Variants in CDK15 observed in about 807,000 individuals in gnomAD.
The protein encoded by CDK15 is cyclin-dependent kinase 15.
In CDK15, 62 loss-of-function variants were observed where a neutral mutation model predicts 60.3. The observed-to-expected ratio is 1.03, with a 90% CI of 0.84 to 1.27. The LOEUF is 1.27. CDK15 is among the 50% of genes most tolerant of loss of function. The probability of loss-of-function intolerance (pLI) is 0.00; values close to 1 mark genes in which losing one functional copy is unlikely to be tolerated. For missense variants in CDK15, 541 were observed against 527.8 expected (o/e 1.03, Z -0.25); for synonymous variants, 194 against 195.7 (o/e 0.99, Z 0.07).
At position 201,861,897 on chromosome 2, in the gene CDK15, G is replaced by A. The variant is rs1698417907; in HGVS notation, c.1009+6960G>A. ...CAGTGTGGAAGTTCAGCTGCTCAGT[G>A]ACTTGCCATGGTTCAGACCCAGTGA... On this transcript the variant is annotated intron_variant, in intron 10 of 13. Transcript: ENST00000652192. Among the ~76,000 whole-genome samples the A allele has an allele frequency of 2.6e-5, 4 of 152,146 alleles. No homozygotes were observed. In the South Asian group the frequency reaches 8.3e-4, roughly 32 times the overall value.
At chr2:201,831,713 C>T (rs1696759037) in intron 6 of CDK15, among the ~76,000 whole-genome samples, 1 of 152,164 alleles carries the variant, frequency 6.6e-6, no homozygotes, top group Non-Finnish European at 1.5e-5. Context: ...AAATAGTCTA[C>T]ACTTGGGACA....
chr2:201,846,668 A>G (rs1227248551), intron 8 of CDK15, among the ~76,000 whole-genome samples: 1 of 152,080 alleles, frequency 6.6e-6, no homozygotes, highest in African/African-American at 2.4e-5. Context: ...GTAAGCTAAC[A>G]CTACATAACT....
At chr2:201,875,314 C>T (rs539662804) in intron 11 of CDK15, among the ~76,000 whole-genome samples, 9 of 152,136 alleles carry the variant, frequency 5.9e-5, no homozygotes, top group South Asian at 2.1e-4. Flanking sequence ...GGGATGAGCA[C>T]GCTCTTAGGC....
At chr2:201,814,587 A>C (rs1695912816) in intron 4 of CDK15, among the ~76,000 whole-genome samples, 1 of 152,160 alleles carries the variant, frequency 6.6e-6, no homozygotes, top group Non-Finnish European at 1.5e-5. Flanking sequence ...GACCAGGGAG[A>C]CAGGAGGTTA....
chr2:201,836,094 A>T (rs868687016), intron 8 of CDK15, among the ~76,000 whole-genome samples: 1,267 of 121,024 alleles, frequency 0.01, 32 homozygotes, highest in African/African-American at 0.039. Flanking sequence ...TTATATATTT[A>T]TATATATTTA....
At chr2:201,837,614 G>T (rs74859110) in intron 8 of CDK15, among the ~76,000 whole-genome samples, 4,551 of 152,200 alleles carry the variant, frequency 0.03, 228 homozygotes, top group African/African-American at 0.1. Context: ...TGTCAGACAT[G>T]CATCATCCTA....
intron 10 of CDK15, among the ~76,000 whole-genome samples, chr2:201,865,754 G>A (rs925995848): frequency 3.9e-5 from 6 of 152,022 alleles, no homozygotes; most frequent in African/African-American, 9.7e-5. Flanking sequence ...GCCAGGTGTG[G>A]TGGTGTGTGC....
At position 201,862,900 on chromosome 2, in the gene CDK15, T is replaced by G. The variant is rs895271667; in HGVS notation, c.1009+7963T>G. 2.6e-5 allele frequency among the ~76,000 whole-genome samples: 4 copies of G among 152,306 alleles called. No individual in the cohort carries two copies. In the South Asian group the frequency reaches 8.3e-4, roughly 32 times the overall value. ...GCAGGTTCATTTCCAAATGATTATG[T>G]CTTTCCACCCAGACGTGATTTTAGA... On this transcript the variant is annotated intron_variant, in intron 10 of 13. Transcript: ENST00000652192.
chr2:201,835,866 A>G (rs905315324), intron 8 of CDK15, 103 bp downstream of exon 8: 1 of 465,134 alleles, frequency 2.1e-6, no homozygotes, highest in African/African-American at 2.2e-5. Flanking sequence ...AATCACGTAT[A>G]TATTTTTATA....
intron 10 of CDK15, among the ~76,000 whole-genome samples, chr2:201,855,994 T>A (rs540574800): frequency 8.6e-5 from 13 of 151,932 alleles, no homozygotes; most frequent in African/African-American, 3.1e-4. Flanking sequence ...GCCCAGCTAA[T>A]TTTTTGTATT....
chr2:201,836,472 T>G (rs939804202), intron 8 of CDK15, among the ~76,000 whole-genome samples: 28 of 152,016 alleles, frequency 1.8e-4, no homozygotes, highest in South Asian at 8.3e-4. Flanking sequence ...ATTTTATTTT[T>G]TGAGATTGGG....
Position 201,882,004 on chromosome 2 carries a change from A to G in CDK15, c.1198+1837A>G, listed in dbSNP as rs1699294939. On this transcript the variant is annotated intron_variant, in intron 12 of 13. Coordinates refer to ENST00000652192, the MANE Select transcript of CDK15 (RefSeq NM_001366386.2). This position sits in a 1 kb window ranked among gnomAD's most constrained non-coding sequence, Gnocchi z 4.0. The stretch of plus-strand genomic sequence containing the variant: ...ATGCTGACAATTGCTGGGGATCTTC[A>G]GAGTTTTCTAGGCTCCAGCTTTTGC... Among the ~76,000 whole-genome samples, 1 of 152,138 alleles carries G rather than the reference A, an allele frequency of 6.6e-6. No individual in the cohort carries two copies. The highest frequency in any genetic ancestry group is 1.5e-5 in the Non-Finnish European group (1 of 68,026).
chr2:201,880,016 C>A lies in CDK15; in HGVS notation c.1059-12C>A, dbSNP rs546517552. On this transcript the variant is annotated splice_polypyrimidine_tract_variant and intron_variant, in intron 11 of 13. Coordinates refer to ENST00000652192, the MANE Select transcript of CDK15 (RefSeq NM_001366386.2). Reference sequence around the variant, plus strand: ...GCTGGAGAAACTCTATTTTTCTCTCCCACTTTTCCAGGCTGGGCAGGGTTC... The same window carrying A: ...GCTGGAGAAACTCTATTTTTCTCTCACACTTTTCCAGGCTGGGCAGGGTTC... 4 of 1,611,124 alleles carry A rather than the reference C, an allele frequency of 2.5e-6. No homozygotes were observed. Among genetic ancestry groups the A allele is most frequent in the Non-Finnish European group, 3.4e-6 (4 of 1,179,006 alleles).
chr2:201,812,173 C>CAAAAAAAAAA (rs56808760), intron 3 of CDK15, among the ~76,000 whole-genome samples: 4 of 96,796 alleles, frequency 4.1e-5, no homozygotes, highest in Non-Finnish European at 4.3e-5. Context: ...GATTCTGTCT[C>CAAAAAAAAAA]AAAAAAAAAA....
intron 10 of CDK15, chr2:201,860,988 C>T: frequency 8.3e-7 from 1 of 1,199,634 alleles, no homozygotes; most frequent in Non-Finnish European, 1.1e-6. Context: ...TGAGCACAAG[C>T]TAAGGTCTGC....
intron 4 of CDK15, among the ~76,000 whole-genome samples, chr2:201,815,821 T>C (rs1427268588): frequency 6.6e-6 from 1 of 152,178 alleles, no homozygotes; most frequent in East Asian, 1.9e-4. Context: ...CCCCTTCCCC[T>C]ACATAATGTA....
intron 10 of CDK15, chr2:201,860,873 CTA>C: frequency 7.4e-7 from 1 of 1,351,758 alleles, no homozygotes; most frequent in Non-Finnish European, 9.8e-7. Context: ...TCTGAAACCA[CTA>C]TGAGACAGAA....
intron 8 of CDK15, among the ~76,000 whole-genome samples, chr2:201,845,768 A>G (rs969690603): frequency 9.2e-5 from 14 of 151,930 alleles, no homozygotes; most frequent in Non-Finnish European, 1.9e-4. Context: ...ATCATGCCAC[A>G]CAAAAATGGC....
At chr2:201,870,743 A>G (rs1048885323) in intron 10 of CDK15, among the ~76,000 whole-genome samples, 9 of 152,156 alleles carry the variant, frequency 5.9e-5, no homozygotes, top group Non-Finnish European at 1.2e-4. Flanking sequence ...AACAAACAAA[A>G]TAATTACATT....
Sources: gnomAD v4.1 joint callset for allele counts (sites outside exome capture counted in the v4.1 genomes callset) on GRCh38, gnomAD v4.1.1 for gene constraint, Gnocchi (gnomAD v3.1) non-coding constraint, MANE v1.5 for transcripts, NCBI Gene and HGNC (gene_info 2026-07-23, HGNC 2026-07-21) for gene names.